SYT9: variants seen among roughly 807,000 people sequenced by gnomAD.
The protein encoded by SYT9 is synaptotagmin-9.
A neutral mutation model predicts 48.4 loss-of-function variants in SYT9; 22 were observed. The ratio of observed to expected loss-of-function variants is 0.45; its 90% CI spans 0.32 to 0.65. The LOEUF (loss-of-function observed/expected upper bound fraction) is 0.65. Ranked by LOEUF, SYT9 falls within the 30% of genes least tolerant of loss-of-function variation. The probability of loss-of-function intolerance (pLI) is 0.03; values close to 1 mark genes in which losing one functional copy is unlikely to be tolerated. For missense variants in SYT9, 577 were observed against 622.0 expected (o/e 0.93, Z 0.77); for synonymous variants, 265 against 245.0 (o/e 1.08, Z -0.76).
At chr11:7,259,951 A>G (rs375422242) in intron 1 of SYT9, among the ~76,000 whole-genome samples, 27 of 152,234 alleles carry the variant, frequency 1.8e-4, no homozygotes, top group African/African-American at 6.0e-4. Flanking sequence ...ATTTATTTAT[A>G]TGAAATATGA....
intron 3 of SYT9, among the ~76,000 whole-genome samples, chr11:7,413,234 G>A (rs1590009922): frequency 6.6e-6 from 1 of 152,132 alleles, no homozygotes; most frequent in Non-Finnish European, 1.5e-5. Flanking sequence ...AGTGACAGCG[G>A]GATTTATCCT....
chr11:7,269,759 A>G (rs1488125592), intron 1 of SYT9, among the ~76,000 whole-genome samples: 6 of 152,226 alleles, frequency 3.9e-5, no homozygotes, highest in Non-Finnish European at 8.8e-5. Flanking sequence ...AGCTACAAGA[A>G]GGTTGAGAAA....
In SYT9 at chr11:7,437,403, G is replaced by A. The variant is rs148661472; in HGVS notation, c.1467+16768G>A. Among the ~76,000 whole-genome samples, 6 of 152,256 alleles carry A rather than the reference G, an allele frequency of 3.9e-5. No homozygotes were observed. In the East Asian group the frequency reaches 9.6e-4, roughly 24 times the overall value. On this transcript the variant is annotated intron_variant, in intron 6 of 6. Transcript: ENST00000318881. The stretch of plus-strand genomic sequence containing the variant: ...GTTTCACGAAATTAATAAACATAAC[G>A]TGATGCACTTTTTAATTTTTTTTCA...
rs777649430 is a variant in SYT9, at chr11:7,303,086, G to C, written c.193G>C (p.Ala65Pro). The C allele has an allele frequency of 6.2e-7, 1 of 1,614,166 alleles. No individual in the cohort carries two copies. The highest frequency in any genetic ancestry group is 2.2e-5 in the East Asian group (1 of 44,886). ...LTLVVTACGL[A>P]LFGVSLFVSW... ...CCTTGTGGTCACTGCCTGTGGTCTC[G>C]CTCTCTTTGGCGTGTCTCTCTTCGT... Residue 65 changes from alanine to proline, a missense_variant, in exon 2 of 7, where the codon GCT becomes CCT. By Grantham distance (27) the Ala-to-Pro change is conservative (BLOSUM62 -1). Transcript: ENST00000318881.
intron 3 of SYT9, among the ~76,000 whole-genome samples, chr11:7,329,810 A>G (rs958574781): frequency 2.6e-5 from 4 of 152,178 alleles, no homozygotes; most frequent in Non-Finnish European, 4.4e-5. Flanking sequence ...GGAACCTTTT[A>G]TTGAATCTGA....
chr11:7,310,682 G>A (rs1057015923), intron 2 of SYT9, among the ~76,000 whole-genome samples: 18 of 151,744 alleles, frequency 1.2e-4, no homozygotes, highest in African/African-American at 4.1e-4. Flanking sequence ...TCCTGACCTC[G>A]TGATCCGCCC....
intron 3 of SYT9, among the ~76,000 whole-genome samples, chr11:7,318,217 GTTATC>G (rs908201551): frequency 2.2e-4 from 34 of 151,830 alleles, no homozygotes; most frequent in Non-Finnish European, 4.1e-4. Context: ...TCTTTTAAAT[GTTATC>G]TTCTCTAAAA....
At chr11:7,414,126 C>T (rs1847192752) in intron 3 of SYT9, among the ~76,000 whole-genome samples, 1 of 152,176 alleles carries the variant, frequency 6.6e-6, no homozygotes, top group African/African-American at 2.4e-5. Flanking sequence ...GCCTTGAGGG[C>T]AGAGATTAGA....
intron 3 of SYT9, among the ~76,000 whole-genome samples, chr11:7,345,948 T>C (rs985717769): frequency 1.3e-5 from 2 of 152,168 alleles, no homozygotes; most frequent in Admixed American, 1.3e-4. Flanking sequence ...GATTGTATCA[T>C]GGAAGTCACT....
intron 3 of SYT9, among the ~76,000 whole-genome samples, chr11:7,386,813 A>G (rs1375485096): frequency 6.6e-6 from 1 of 152,222 alleles, no homozygotes; most frequent in Non-Finnish European, 1.5e-5. Context: ...TACCCAAAGG[A>G]TTATAAATCA....
At chr11:7,391,972 T>TC (rs1303652941) in intron 3 of SYT9, among the ~76,000 whole-genome samples, 1 of 151,880 alleles carries the variant, frequency 6.6e-6, no homozygotes, top group Non-Finnish European at 1.5e-5. Flanking sequence ...GGTTTTTTTT[T>TC]CTTGTTGATT....
intron 3 of SYT9, among the ~76,000 whole-genome samples, chr11:7,376,390 T>C (rs1330108867): frequency 7.2e-6 from 1 of 138,654 alleles, no homozygotes; most frequent in African/African-American, 2.6e-5. Flanking sequence ...CCCTCTCCTC[T>C]CCTCTCCTCT....
chr11:7,382,889 C>T (rs939222868), intron 3 of SYT9, among the ~76,000 whole-genome samples: 3 of 152,214 alleles, frequency 2.0e-5, no homozygotes, highest in Non-Finnish European at 4.4e-5. Flanking sequence ...TGTGAGGCTG[C>T]GGAGCTTGCC....
chr11:7,412,292 A>T (rs770851398), intron 3 of SYT9, among the ~76,000 whole-genome samples: 4 of 152,114 alleles, frequency 2.6e-5, no homozygotes, highest in Non-Finnish European at 4.4e-5. Context: ...TGCACATCTG[A>T]TGTAACAATC....
chr11:7,330,996 A>G lies in SYT9; in HGVS notation c.1044+17055A>G, dbSNP rs533684748. Reference sequence around the variant, plus strand: ...GTATTTTTAGTAGAGATGGGGTTTCATCATGTTGGCCAGGCTGGTCTCGAA... The same window carrying G: ...GTATTTTTAGTAGAGATGGGGTTTCGTCATGTTGGCCAGGCTGGTCTCGAA... On this transcript the variant is annotated intron_variant, in intron 3 of 6. Transcript: ENST00000318881. Among the ~76,000 whole-genome samples, 16 of 151,978 alleles carry G rather than the reference A, an allele frequency of 1.1e-4. No individual in the cohort carries two copies. The South Asian group carries it at 2.9e-3, about 28-fold the overall frequency.
Position 7,420,496 on chromosome 11 carries a change from A to G in SYT9, c.1338-10A>G, listed in dbSNP as rs1426896620. 6.2e-7 allele frequency: 1 copy of G among 1,613,586 alleles called. No individual in the cohort carries two copies. Among genetic ancestry groups the G allele is most frequent in the Admixed American group, 1.7e-5 (1 of 59,954 alleles). On this transcript the variant is annotated splice_polypyrimidine_tract_variant and intron_variant, in intron 5 of 6. Transcript: ENST00000318881. ...TTTTAAGAAAAAACTATTGTGGGCC[A>G]TTTTCACAGTGTAGGTCACAATGAG...
intron 3 of SYT9, among the ~76,000 whole-genome samples, chr11:7,398,093 C>T (rs953235364): frequency 2.6e-5 from 4 of 152,102 alleles, no homozygotes; most frequent in African/African-American, 7.2e-5. Context: ...TAATGTTAGC[C>T]GTAGCTTTTT....
At chr11:7,393,493 A>G (rs969804455) in intron 3 of SYT9, among the ~76,000 whole-genome samples, 8 of 152,044 alleles carry the variant, frequency 5.3e-5, no homozygotes, top group African/African-American at 1.9e-4. Context: ...GTGCTGCTGA[A>G]TTAAGTTTGC....
intron 6 of SYT9, among the ~76,000 whole-genome samples, chr11:7,463,551 A>C (rs910520922): frequency 6.6e-6 from 1 of 152,152 alleles, no homozygotes; most frequent in Non-Finnish European, 1.5e-5. Flanking sequence ...ACTTTTTCAG[A>C]ACTGACTTGT....
Sources: gnomAD v4.1 joint callset for allele counts (sites outside exome capture counted in the v4.1 genomes callset) on GRCh38, gnomAD v4.1.1 for gene constraint, MANE v1.5 for transcripts, NCBI Gene and HGNC (gene_info 2026-07-23, HGNC 2026-07-21) for gene names.